PLEKHG7: variants seen among roughly 807,000 people sequenced by gnomAD.
The protein encoded by PLEKHG7 is pleckstrin homology domain-containing family G member 7.
Under a neutral mutation model 85.2 loss-of-function variants are expected in PLEKHG7, and 77 were observed. The observed-to-expected ratio is 0.90, with a 90% CI of 0.75 to 1.09. PLEKHG7 has a LOEUF of 1.09. PLEKHG7 is among the 50% of genes least tolerant of loss of function. PLEKHG7 has a pLI of 0.00. For missense variants in PLEKHG7, 777 were observed against 804.3 expected, an observed-to-expected ratio of 0.97 and a Z score of 0.41; for synonymous variants, 301 against 302.4, an observed-to-expected ratio of 1.00 and a Z score of 0.05.
chr12:92,716,692 C>G (rs953522965), intron 3 of PLEKHG7, among the ~76,000 whole-genome samples: 4 of 152,216 alleles, frequency 2.6e-5, no homozygotes, highest in African/African-American at 9.6e-5. Flanking sequence ...ACAGCCAGTA[C>G]ATTTCTCCCT....
intron 16 of PLEKHG7, 135 bp downstream of exon 16, chr12:92,769,215 G>A (rs747151689): frequency 6.4e-6 from 4 of 628,690 alleles, no homozygotes; most frequent in African/African-American, 1.9e-5. Context: ...TTGGGAGGAG[G>A]GGAGGGGTAC....
intron 13 of PLEKHG7, among the ~76,000 whole-genome samples, chr12:92,757,493 A>C (rs1460270549): frequency 6.6e-6 from 1 of 152,134 alleles, no homozygotes; most frequent in Non-Finnish European, 1.5e-5. Context: ...GCTCTATTTT[A>C]GAGGTAGTCT....
chr12:92,719,410 A>G (rs1312785854), intron 3 of PLEKHG7, among the ~76,000 whole-genome samples: 1 of 152,162 alleles, frequency 6.6e-6, no homozygotes, highest in African/African-American at 2.4e-5. Context: ...TAGTCACACA[A>G]TTGCTGAAAA....
At chr12:92,754,591 C>G (rs1228423907) in intron 11 of PLEKHG7, among the ~76,000 whole-genome samples, 1 of 152,116 alleles carries the variant, frequency 6.6e-6, no homozygotes, top group East Asian at 1.9e-4. Flanking sequence ...CCGTACTGAC[C>G]CCACACACAA....
Position 92,703,024 on chromosome 12 carries a change from A to G in PLEKHG7, c.-270A>G, listed in dbSNP as rs1052141898. 3.3e-5 allele frequency: 5 copies of G among 152,160 alleles called. No homozygotes were observed. Among genetic ancestry groups the G allele is most frequent in the Non-Finnish European group, 4.4e-5 (3 of 68,046 alleles). 9.4% of individuals were successfully genotyped at this position (152,160 alleles called of 1,614,324 possible). A position where few individuals can be genotyped will look rare whatever the true frequency, so the allele number is the denominator to read the frequency against. ...GAGGACGCATTGTTACAGGTGTGGA[A>G]CTTGTTGCTCCGAGCCCTCGCCTGG... On this transcript the variant is annotated 5_prime_UTR_variant, in exon 1 of 17. Transcript: ENST00000344636.
In PLEKHG7 at chr12:92,761,745, T is replaced by G. The variant is rs758413863; in HGVS notation, c.1637-7T>G. ...GTCCCCATTTCAGCTTCTCTTTTTT[T>G]CCTCAGAAAGCACGAGATTCCTAGA... On this transcript the variant is annotated splice_polypyrimidine_tract_variant and splice_region_variant and intron_variant, in intron 13 of 16. Transcript: ENST00000344636. 6.4e-7 allele frequency: 1 copy of G among 1,559,114 alleles called. No homozygotes were observed. Among genetic ancestry groups the G allele is most frequent in the Non-Finnish European group, 8.6e-7 (1 of 1,161,030 alleles).
At chr12:92,711,905 A>G (rs886531954) in intron 3 of PLEKHG7, among the ~76,000 whole-genome samples, 20 of 152,216 alleles carry the variant, frequency 1.3e-4, no homozygotes, top group African/African-American at 4.6e-4. Context: ...AACACACCCA[A>G]ATGAGGAATG....
At chr12:92,741,073 C>A in intron 8 of PLEKHG7, 125 bp downstream of exon 8, 1 of 610,944 alleles carries the variant, frequency 1.6e-6, no homozygotes, top group Non-Finnish European at 2.7e-6. Flanking sequence ...GTCAGGACTT[C>A]AGGTTAATAA....
chr12:92,749,513 C>A (rs1325055205), intron 10 of PLEKHG7: 1 of 152,138 alleles, frequency 6.6e-6, no homozygotes, highest in Non-Finnish European at 1.5e-5. Context: ...TTGTCTCAAA[C>A]TCCTAAGTTC....
chr12:92,761,749 C>T lies in PLEKHG7; in HGVS notation c.1637-3C>T. On this transcript the variant is annotated splice_polypyrimidine_tract_variant and splice_region_variant and intron_variant, in intron 13 of 16. Coordinates refer to ENST00000344636, the MANE Select transcript of PLEKHG7 (RefSeq NM_001377329.1). ...CCATTTCAGCTTCTCTTTTTTTCCT[C>T]AGAAAGCACGAGATTCCTAGATGTT... 1 of 1,560,598 alleles carries T rather than the reference C, an allele frequency of 6.4e-7. No individual in the cohort carries two copies. Among genetic ancestry groups the T allele is most frequent in the Non-Finnish European group, 8.6e-7 (1 of 1,161,436 alleles).
chr12:92,751,701 A>T (rs1263279215), intron 10 of PLEKHG7, among the ~76,000 whole-genome samples: 1 of 150,914 alleles, frequency 6.6e-6, no homozygotes. Flanking sequence ...CAGAATCCCC[A>T]TGATGAAGAG....
At chr12:92,718,251 C>A (rs1422899562) in intron 3 of PLEKHG7, among the ~76,000 whole-genome samples, 3 of 152,168 alleles carry the variant, frequency 2.0e-5, no homozygotes, top group Non-Finnish European at 2.9e-5. Context: ...AAGACTGCAG[C>A]CTTGGGGAGC....
At chr12:92,757,029 T>C (rs1041865683) in intron 13 of PLEKHG7, among the ~76,000 whole-genome samples, 3 of 152,236 alleles carry the variant, frequency 2.0e-5, no homozygotes, top group East Asian at 1.9e-4. Context: ...TTCAGATAAA[T>C]AGCACAGCTG....
intron 3 of PLEKHG7, among the ~76,000 whole-genome samples, chr12:92,727,460 T>A (rs1321738915): frequency 6.6e-6 from 1 of 152,168 alleles, no homozygotes; most frequent in East Asian, 1.9e-4. Flanking sequence ...CATCTTTATG[T>A]CTATGGGTAC....
At chr12:92,759,576 G>C (rs190532225) in intron 13 of PLEKHG7, among the ~76,000 whole-genome samples, 6 of 152,194 alleles carry the variant, frequency 3.9e-5, no homozygotes, top group Non-Finnish European at 8.8e-5. Flanking sequence ...AGGGACTCAG[G>C]CTGGAGCCTT....
At chr12:92,751,167 A>G (rs1339070978) in intron 10 of PLEKHG7, among the ~76,000 whole-genome samples, 5 of 152,204 alleles carry the variant, frequency 3.3e-5, no homozygotes, top group Non-Finnish European at 7.3e-5. Flanking sequence ...AAGATTGAAC[A>G]TCGGGTTCAG....
rs1408135551 is a variant in PLEKHG7, at chr12:92,770,771, T to C, written c.*576T>C. The C allele has an allele frequency of 1.3e-5, 2 of 152,086 alleles. No homozygotes were observed. Among genetic ancestry groups the C allele is most frequent in the Non-Finnish European group, 2.9e-5 (2 of 67,988 alleles). The allele number at this position is 152,086 out of a possible 1,614,324, so 9.4% of individuals were successfully genotyped here. A position where few individuals can be genotyped will look rare whatever the true frequency, so the allele number is the denominator to read the frequency against. ...TATTCTCAAACTCATCTCAGGTATA[T>C]AGTACTCTAACGTGGAAGTAGAAAA... On this transcript the variant is annotated 3_prime_UTR_variant, in exon 17 of 17. Transcript: ENST00000344636.
chr12:92,752,991 C>T (rs538240727), intron 10 of PLEKHG7, among the ~76,000 whole-genome samples: 1 of 152,296 alleles, frequency 6.6e-6, no homozygotes, highest in East Asian at 1.9e-4. Flanking sequence ...GGGCTCCATG[C>T]TCATGGCCTA....
intron 9 of PLEKHG7, 116 bp from the exon 10 acceptor site, chr12:92,745,362 A>G (rs1872503398): frequency 1.5e-6 from 1 of 671,254 alleles, no homozygotes; most frequent in African/African-American, 1.9e-5. Flanking sequence ...GATCATGGCG[A>G]CTCCTCCACT....
Sources: allele counts gnomAD v4.1 joint callset (sites outside exome capture counted in the v4.1 genomes callset), GRCh38; gene constraint gnomAD v4.1.1; transcripts MANE v1.5; gene names NCBI Gene and HGNC (gene_info 2026-07-23, HGNC 2026-07-21).